Variants in CDC20B observed in about 807,000 individuals in gnomAD.
CDC20B encodes cell division cycle 20B.
CDC20B carries 58 observed loss-of-function variants against 64.1 expected under a neutral mutation model. The observed-to-expected ratio is 0.90, with a 90% CI of 0.73 to 1.13. CDC20B has a LOEUF of 1.13. Ranked by LOEUF, CDC20B falls within the 50% of genes most tolerant of loss-of-function variation. The probability of loss-of-function intolerance (pLI) is 0.00; values close to 1 mark genes in which losing one functional copy is unlikely to be tolerated. For synonymous variants in CDC20B, 243 were observed against 230.6 expected, an observed-to-expected ratio of 1.05 and a Z score of -0.49; for missense variants, 597 against 633.0, an observed-to-expected ratio of 0.94 and a Z score of 0.61.
Position 55,140,399 on chromosome 5 carries a change from T to C in CDC20B, c.495A>G (p.Leu165=). The C allele has an allele frequency of 6.2e-7, 1 of 1,611,128 alleles. No individual in the cohort carries two copies. Among genetic ancestry groups the C allele is most frequent in the African/African-American group, 1.3e-5 (1 of 74,932 alleles). The part of the protein sequence containing the change: ...ESVASKGQKC[L]KQLFVTQNVV... ...CGTTCTGGGTTACAAAGAGTTGTTT[T>C]AGGCATTTCTGAAAATAAACACACA... is the stretch of plus-strand genomic sequence containing the variant. The change falls in exon 5 of 12, where the codon CTA becomes CTG. Residue 165 remains leucine (L), a synonymous_variant. Coordinates refer to ENST00000381375, the MANE Select transcript of CDC20B (RefSeq NM_001170402.1).
intron 2 of CDC20B, chr5:55,164,677 G>T (rs1244561632): frequency 6.6e-6 from 1 of 152,248 alleles, no homozygotes; most frequent in East Asian, 1.9e-4. Context: ...GAAATTTCTG[G>T]AATAACTGTA....
rs745865796 is a variant in CDC20B at position 55,140,423 on chromosome 5, C to T, written c.487-16G>A. The T allele has an allele frequency of 1.3e-6, 2 of 1,545,888 alleles. No individual in the cohort carries two copies. The highest frequency in any genetic ancestry group is 2.3e-5 in the East Asian group (1 of 44,382). On this transcript the variant is annotated splice_polypyrimidine_tract_variant and intron_variant, in intron 4 of 11. Transcript: ENST00000381375. ...TTAGGCATTTCTGAAAATAAACACA[C>T]ATAAGGAGAATATTTCTTTAAAAAC...
At chr5:55,141,528 G>A (rs965412049) in intron 4 of CDC20B, among the ~76,000 whole-genome samples, 2 of 152,168 alleles carry the variant, frequency 1.3e-5, no homozygotes, top group Non-Finnish European at 2.9e-5. Flanking sequence ...ATGACAAGTG[G>A]AGTTATACGC....
intron 9 of CDC20B, among the ~76,000 whole-genome samples, chr5:55,124,155 T>C (rs139705751): frequency 7.9e-4 from 121 of 152,324 alleles, no homozygotes; most frequent in African/African-American, 2.7e-3. Flanking sequence ...TGGTGGAGCA[T>C]TGATCTAATT....
intron 9 of CDC20B, among the ~76,000 whole-genome samples, chr5:55,122,812 A>T (rs1283868135): frequency 1.3e-5 from 2 of 152,222 alleles, no homozygotes; most frequent in African/African-American, 4.8e-5. Context: ...GAGCATGCCC[A>T]GGCAGCTGGC....
Position 55,120,455 on chromosome 5 carries a change from C to G in CDC20B, c.1311G>C (p.Lys437Asn), listed in dbSNP as rs145096410. ...RLHILDINAG[K>N]SIQTPSTNSQ... ...AGTTTGTGCTTGGGGTCTGGATGCT[C>G]TTCCCAGCATTTATATCCAAGATGT... Residue 437 changes from lysine (K) to asparagine (N), a missense_variant, in exon 10 of 12, where the codon AAG becomes AAC. Around this residue, in one of 3 missense-constraint regions of CDC20B, gnomAD observed 353 missense variants for 397.0 expected, o/e 0.89. Coordinates refer to ENST00000381375, the MANE Select transcript of CDC20B (RefSeq NM_001170402.1). 1 of 1,613,794 alleles carries G rather than the reference C, an allele frequency of 6.2e-7. No individual in the cohort carries two copies. Among genetic ancestry groups the G allele is most frequent in the South Asian group, 1.1e-5 (1 of 91,064 alleles).
At chr5:55,143,898 C>A (rs1411411850) in intron 3 of CDC20B, among the ~76,000 whole-genome samples, 2 of 151,712 alleles carry the variant, frequency 1.3e-5, no homozygotes, top group Admixed American at 6.6e-5. Flanking sequence ...AATGAGAAAG[C>A]TGTCTCAGTG....
intron 2 of CDC20B, among the ~76,000 whole-genome samples, chr5:55,159,546 T>C (rs1743929358): frequency 6.6e-6 from 1 of 152,210 alleles, no homozygotes; most frequent in Admixed American, 6.5e-5. Context: ...GTTTGCTCTA[T>C]GATAGAGAAG....
intron 11 of CDC20B, among the ~76,000 whole-genome samples, chr5:55,118,956 G>A (rs1486871383): frequency 6.6e-6 from 1 of 151,998 alleles, no homozygotes; most frequent in Non-Finnish European, 1.5e-5. Context: ...AAAAGTGTAG[G>A]CTCCCTGAGG....
intron 2 of CDC20B, among the ~76,000 whole-genome samples, chr5:55,147,126 T>C (rs1743507348): frequency 6.9e-6 from 1 of 144,536 alleles, no homozygotes; most frequent in Non-Finnish European, 1.5e-5. Context: ...TATATAAACA[T>C]AAATATGTTG....
intron 7 of CDC20B, 27 bp downstream of exon 7, chr5:55,128,394 A>T: frequency 6.5e-7 from 1 of 1,549,212 alleles, no homozygotes; most frequent in Non-Finnish European, 8.7e-7. Flanking sequence ...AGAGAACATG[A>T]TGAGAAAAAA....
intron 9 of CDC20B, among the ~76,000 whole-genome samples, chr5:55,121,644 T>C (rs909646168): frequency 3.3e-5 from 5 of 152,206 alleles, no homozygotes; most frequent in African/African-American, 9.6e-5. Context: ...AGAGTTGACA[T>C]AAAGTTTTCC....
At chr5:55,166,502 C>T (rs887495637) in intron 2 of CDC20B, 11 of 152,142 alleles carry the variant, frequency 7.2e-5, no homozygotes, top group African/African-American at 2.4e-4. Context: ...GGTGTCCCTT[C>T]GGGGTTCTGT....
chr5:55,164,272 C>A, intron 2 of CDC20B: 1 of 1,357,324 alleles, frequency 7.4e-7, no homozygotes, highest in South Asian at 1.9e-5. Flanking sequence ...AGGGTTTGGT[C>A]TCATTTTAAA....
At chr5:55,159,343 G>C (rs1743919615) in intron 2 of CDC20B, among the ~76,000 whole-genome samples, 1 of 152,166 alleles carries the variant, frequency 6.6e-6, no homozygotes, top group East Asian at 1.9e-4. Context: ...ACAGGTTGTA[G>C]TGCATCGGTG....
intron 4 of CDC20B, 27 bp downstream of exon 4, chr5:55,143,486 A>G: frequency 6.4e-7 from 1 of 1,555,752 alleles, no homozygotes; most frequent in Non-Finnish European, 8.7e-7. Flanking sequence ...TAGATGTGGG[A>G]TCTTCAGTTT....
At chr5:55,140,429 G>C (rs539557073) in intron 4 of CDC20B, 22 bp from the exon 5 acceptor site, 4 of 1,523,496 alleles carry the variant, frequency 2.6e-6, no homozygotes, top group Non-Finnish European at 3.6e-6. Flanking sequence ...CACACATAAG[G>C]AGAATATTTC....
chr5:55,129,283 A>G (rs537221654), intron 6 of CDC20B, among the ~76,000 whole-genome samples: 1 of 152,302 alleles, frequency 6.6e-6, no homozygotes, highest in East Asian at 1.9e-4. Context: ...ATAAATATAA[A>G]CTCTGAATGA....
intron 9 of CDC20B, among the ~76,000 whole-genome samples, chr5:55,124,458 A>G (rs1742826808): frequency 6.6e-6 from 1 of 152,212 alleles, no homozygotes; most frequent in South Asian, 2.1e-4. Context: ...CAGAGCCAAG[A>G]GCTAAAAAGA....
Sources: allele counts gnomAD v4.1 joint callset (sites outside exome capture counted in the v4.1 genomes callset), GRCh38; gene constraint gnomAD v4.1.1; regional missense constraint gnomAD v4.1.1; transcripts MANE v1.5; gene names NCBI Gene and HGNC (gene_info 2026-07-23, HGNC 2026-07-21).